The following CTNND2 variants were observed in gnomAD, a reference collection of about 807,000 sequenced individuals.
The protein encoded by CTNND2 is catenin delta-2.
In CTNND2, 22 loss-of-function variants were observed where a neutral mutation model predicts 144.4. The observed-to-expected ratio is 0.15, with a 90% confidence interval of 0.11 to 0.22. The LOEUF (loss-of-function observed/expected upper bound fraction) is 0.22. Ranked by LOEUF, CTNND2 falls within the 10% of genes least tolerant of loss-of-function variation. CTNND2 has a pLI of 1.00. For synonymous variants in CTNND2, 751 were observed against 695.6 expected, an observed-to-expected ratio of 1.08 and a Z score of -1.25; for missense variants, 1,353 against 1,618.8, an observed-to-expected ratio of 0.84 and a Z score of 2.82.
chr5:11,316,617 A>G (rs984126684), intron 9 of CTNND2, among the ~76,000 whole-genome samples: 13 of 151,656 alleles, frequency 8.6e-5, no homozygotes, highest in African/African-American at 2.9e-4. Flanking sequence ...CATTAGGTAT[A>G]TCTTCCAATG....
intron 2 of CTNND2, among the ~76,000 whole-genome samples, chr5:11,695,808 G>T (rs1223963110): frequency 2.0e-5 from 3 of 152,022 alleles, no homozygotes; most frequent in Non-Finnish European, 4.4e-5. Context: ...ACTATAAACA[G>T]ATGTAATATT....
chr5:11,723,465 C>A (rs1487719446), intron 2 of CTNND2, among the ~76,000 whole-genome samples: 1 of 151,998 alleles, frequency 6.6e-6, no homozygotes, highest in Non-Finnish European at 1.5e-5. Context: ...AGATCTAGAC[C>A]CAATACAACC....
At chr5:11,038,974 C>T (rs1294185931) in intron 16 of CTNND2, among the ~76,000 whole-genome samples, 1 of 152,184 alleles carries the variant, frequency 6.6e-6, no homozygotes. Flanking sequence ...AAACCAGTAC[C>T]CAGCTCTGCA....
At chr5:11,104,641 T>C (rs1752236327) in intron 14 of CTNND2, among the ~76,000 whole-genome samples, 1 of 152,144 alleles carries the variant, frequency 6.6e-6, no homozygotes, top group African/African-American at 2.4e-5. Context: ...TTCTTTGTGT[T>C]GATTCTTAGG....
chr5:11,524,074 A>G (rs1772997448), intron 3 of CTNND2, among the ~76,000 whole-genome samples: 1 of 152,162 alleles, frequency 6.6e-6, no homozygotes, highest in South Asian at 2.1e-4. Context: ...CTCCTTTTGG[A>G]ACTATCTCAG....
chr5:11,669,883 A>C (rs1253550127), intron 2 of CTNND2, among the ~76,000 whole-genome samples: 1 of 152,158 alleles, frequency 6.6e-6, no homozygotes, highest in East Asian at 1.9e-4. Flanking sequence ...TCTTGTGGGC[A>C]TTTAGTGCTT....
chr5:11,450,921 AAAT>A (rs1387704127), intron 3 of CTNND2, among the ~76,000 whole-genome samples: 2 of 151,048 alleles, frequency 1.3e-5, no homozygotes, highest in African/African-American at 2.4e-5. Context: ...AAAAAAAAAA[AAAT>A]GTGTTCCAAA....
chr5:11,346,458 A>T lies in CTNND2; in HGVS notation c.1542T>A (p.Ser514=). Residue 514 remains serine, a synonymous_variant, in exon 9 of 22, where the codon TCT becomes TCA. Coordinates refer to ENST00000304623, the MANE Select transcript of CTNND2 (RefSeq NM_001332.4). ...RQLQYCPSVE[S]PYSKSGPALP... ...GAGCAGGGCCGGATTTGCTGTATGG[A>T]GACTCAACAGAGGGACAATACTGCA... The T allele has an allele frequency of 6.3e-7, 1 of 1,591,952 alleles. No homozygotes were observed. Among genetic ancestry groups the T allele is most frequent in the South Asian group, 1.1e-5 (1 of 88,154 alleles).
chr5:11,309,319 C>T (rs1457698518), intron 9 of CTNND2, among the ~76,000 whole-genome samples: 2 of 152,214 alleles, frequency 1.3e-5, no homozygotes, highest in Non-Finnish European at 2.9e-5. Context: ...TGCAGAGCCA[C>T]AGGGGCAGAG....
chr5:11,025,610 A>G (rs1250133370), intron 16 of CTNND2, among the ~76,000 whole-genome samples: 1 of 152,212 alleles, frequency 6.6e-6, no homozygotes, highest in Non-Finnish European at 1.5e-5. Flanking sequence ...ATATTTTACA[A>G]AAAGAATTCT....
chr5:11,679,782 A>G (rs1010574572), intron 2 of CTNND2, among the ~76,000 whole-genome samples: 1 of 152,240 alleles, frequency 6.6e-6, no homozygotes, highest in Non-Finnish European at 1.5e-5. Context: ...GCTGCTAATG[A>G]TATTAGTAAC....
intron 3 of CTNND2, among the ~76,000 whole-genome samples, chr5:11,487,975 G>C (rs1768991744): frequency 1.3e-5 from 2 of 152,142 alleles, no homozygotes; most frequent in Non-Finnish European, 2.9e-5. Context: ...GCAGATAGCA[G>C]GTATGTCAAG....
chr5:11,289,440 A>G (rs960685382), intron 9 of CTNND2, among the ~76,000 whole-genome samples: 4 of 152,192 alleles, frequency 2.6e-5, no homozygotes, highest in Non-Finnish European at 4.4e-5. Flanking sequence ...GGATTTGGCC[A>G]AAAGAACAAC....
At chr5:11,668,543 A>G (rs148991065) in intron 2 of CTNND2, among the ~76,000 whole-genome samples, 2,034 of 145,826 alleles carry the variant, frequency 0.014, 41 homozygotes, top group African/African-American at 0.055. Context: ...ATGGGAGTTC[A>G]CTCATGATTT....
chr5:11,706,512 AG>A (rs1785700595), intron 2 of CTNND2, among the ~76,000 whole-genome samples: 1 of 152,216 alleles, frequency 6.6e-6, no homozygotes, highest in African/African-American at 2.4e-5. Flanking sequence ...ATATAAAGGC[AG>A]ATAAGCACCA....
At chr5:11,579,202 A>G (rs1022571502) in intron 2 of CTNND2, among the ~76,000 whole-genome samples, 8 of 151,122 alleles carry the variant, frequency 5.3e-5, no homozygotes, top group African/African-American at 2.0e-4. Flanking sequence ...CGAATTAAGT[A>G]CAGCCTAGCA....
intron 2 of CTNND2, among the ~76,000 whole-genome samples, chr5:11,721,783 G>C (rs563936950): frequency 6.6e-6 from 1 of 152,330 alleles, no homozygotes; most frequent in South Asian, 2.1e-4. Flanking sequence ...TTCTAAGAAT[G>C]AGCATCTCAG....
intron 12 of CTNND2, among the ~76,000 whole-genome samples, chr5:11,129,026 A>ATATATATTATATAT (rs1755124835): frequency 6.1e-4 from 14 of 23,122 alleles, no homozygotes; most frequent in Non-Finnish European, 9.2e-4. Context: ...ATATAAATAA[A>ATATATATTATATAT]AAATATAAAT....
chr5:11,405,893 C>T (rs1761056103), intron 5 of CTNND2, among the ~76,000 whole-genome samples: 1 of 151,998 alleles, frequency 6.6e-6, no homozygotes, highest in Non-Finnish European at 1.5e-5. Context: ...AAAACTTGGA[C>T]CTCCCAGCAC....
Sources: allele counts gnomAD v4.1 joint callset (sites outside exome capture counted in the v4.1 genomes callset), GRCh38; gene constraint gnomAD v4.1.1; transcripts MANE v1.5; gene names NCBI Gene and HGNC (gene_info 2026-07-23, HGNC 2026-07-21).